Variants in ROBO2 observed in about 807,000 individuals in gnomAD.
ROBO2 encodes roundabout guidance receptor 2.
ROBO2 carries 53 observed loss-of-function variants against 160.8 expected under a neutral mutation model. That is an observed-to-expected ratio of 0.33 (90% CI 0.26 to 0.41). The LOEUF (loss-of-function observed/expected upper bound fraction) is 0.41, where lower values mean the gene tolerates loss of function less well. ROBO2 is among the 10% of genes least tolerant of loss of function. The pLI, the probability that ROBO2 is intolerant of heterozygous loss-of-function variation, is 1.00. For synonymous variants in ROBO2, 664 were observed against 611.7 expected (o/e 1.09, Z -1.26); for missense variants, 1,577 against 1,722.4 (o/e 0.92, Z 1.49).
intron 2 of ROBO2, chr3:76,433,884 A>C (rs1330699043): frequency 1.7e-6 from 1 of 583,020 alleles, no homozygotes; most frequent in African/African-American, 1.9e-5. Context: ...TTTTCTTTGA[A>C]GTTTGCAAGC....
At chr3:76,562,850 A>C (rs1046244121) in intron 2 of ROBO2, among the ~76,000 whole-genome samples, 7 of 152,116 alleles carry the variant, frequency 4.6e-5, no homozygotes, top group Non-Finnish European at 8.8e-5. Flanking sequence ...ATATATTGTT[A>C]ATGGAAAACC....
chr3:76,791,581 A>G (rs1203853927), intron 2 of ROBO2, among the ~76,000 whole-genome samples: 3 of 151,280 alleles, frequency 2.0e-5, no homozygotes, highest in Admixed American at 2.0e-4. Flanking sequence ...TCTTGCCAAT[A>G]GCCACAGGAG....
chr3:75,925,665 A>G (rs1179195773), intron 1 of ROBO2, among the ~76,000 whole-genome samples: 1 of 152,214 alleles, frequency 6.6e-6, no homozygotes, highest in African/African-American at 2.4e-5. Flanking sequence ...GCAACTGGAT[A>G]CTCAATTATA....
intron 2 of ROBO2, among the ~76,000 whole-genome samples, chr3:76,336,992 C>T (rs1390773300): frequency 6.6e-6 from 1 of 151,686 alleles, no homozygotes; most frequent in African/African-American, 2.4e-5. Flanking sequence ...AAAAAAAACC[C>T]ACAATCTCTA....
intron 2 of ROBO2, among the ~76,000 whole-genome samples, chr3:76,178,896 G>A (rs957062217): frequency 5.9e-5 from 9 of 152,046 alleles, no homozygotes; most frequent in Non-Finnish European, 1.2e-4. Flanking sequence ...AGCTGAGGTC[G>A]TGCCATTGTA....
At chr3:77,595,729 C>G (rs1270293632) in intron 18 of ROBO2, among the ~76,000 whole-genome samples, 1 of 152,110 alleles carries the variant, frequency 6.6e-6, no homozygotes, top group African/African-American at 2.4e-5. Flanking sequence ...CTTCCAATCT[C>G]CCATTTAATC....
At chr3:76,182,035 GA>G (rs1459922748) in intron 2 of ROBO2, among the ~76,000 whole-genome samples, 1 of 152,126 alleles carries the variant, frequency 6.6e-6, no homozygotes, top group Non-Finnish European at 1.5e-5. Flanking sequence ...TTCAGTGTAT[GA>G]GAACTAGGAT....
At chr3:77,589,433 A>C (rs1315275075) in intron 17 of ROBO2, among the ~76,000 whole-genome samples, 4 of 152,156 alleles carry the variant, frequency 2.6e-5, no homozygotes, top group Non-Finnish European at 5.9e-5. Context: ...AGAATTGATA[A>C]GACTGATGAG....
intron 2 of ROBO2, among the ~76,000 whole-genome samples, chr3:76,755,616 G>A (rs902368266): frequency 6.6e-5 from 10 of 151,800 alleles, no homozygotes; most frequent in Non-Finnish European, 1.5e-4. Context: ...TTCTCATGGT[G>A]ACACCTCCAA....
At position 75,912,293 on chromosome 3, in the gene ROBO2, A is replaced by C. The variant is rs778317488; in HGVS notation, c.-14+5333A>C. On this transcript the variant is annotated intron_variant, in intron 1 of 26. Transcript: ENST00000487694. Reference sequence around the variant, plus strand: ...AGTTTTATGCTGTCATTCTGTCAGCACTGAGTGAGATTTTTTGATTTAAAT... The same window carrying C: ...AGTTTTATGCTGTCATTCTGTCAGCCCTGAGTGAGATTTTTTGATTTAAAT... Among the ~76,000 whole-genome samples, 74 of 152,300 alleles carry C rather than the reference A, an allele frequency of 4.9e-4. No homozygotes were observed. The Middle Eastern group carries it at 0.031, about 63-fold the overall frequency.
At chr3:77,418,713 T>C (rs922149793) in intron 2 of ROBO2, among the ~76,000 whole-genome samples, 3 of 152,094 alleles carry the variant, frequency 2.0e-5, no homozygotes, top group Admixed American at 6.5e-5. Context: ...ACTAGTAATA[T>C]GATGGAGAGA....
intron 2 of ROBO2, among the ~76,000 whole-genome samples, chr3:76,797,331 G>A (rs2063776866): frequency 6.6e-6 from 1 of 152,062 alleles, no homozygotes; most frequent in Non-Finnish European, 1.5e-5. Context: ...ATGTCCTCTT[G>A]AATGACTAGT....
At chr3:76,708,526 C>G (rs537027951) in intron 2 of ROBO2, among the ~76,000 whole-genome samples, 2 of 152,106 alleles carry the variant, frequency 1.3e-5, no homozygotes, top group African/African-American at 4.8e-5. Context: ...AAAACAACAA[C>G]CAAAAACCAC....
At chr3:77,600,618 G>A (rs1185174373) in intron 19 of ROBO2, among the ~76,000 whole-genome samples, 2 of 152,144 alleles carry the variant, frequency 1.3e-5, no homozygotes, top group African/African-American at 4.8e-5. Context: ...TCAAGTTGGG[G>A]AATCAAGTAT....
intron 2 of ROBO2, among the ~76,000 whole-genome samples, chr3:76,417,154 A>T (rs1310421423): frequency 6.6e-6 from 1 of 152,170 alleles, no homozygotes; most frequent in Non-Finnish European, 1.5e-5. Context: ...AGCTCATGTT[A>T]TCTGGAATGG....
At chr3:77,032,689 A>G (rs1364247524) in intron 2 of ROBO2, among the ~76,000 whole-genome samples, 2 of 152,200 alleles carry the variant, frequency 1.3e-5, no homozygotes, top group Non-Finnish European at 2.9e-5. Flanking sequence ...AGTGCAAAGC[A>G]TACAACAGAG....
At chr3:77,405,208 C>T (rs1224688722) in intron 2 of ROBO2, among the ~76,000 whole-genome samples, 25 of 151,962 alleles carry the variant, frequency 1.6e-4, no homozygotes, top group Admixed American at 1.6e-3. Flanking sequence ...ACTAAATGGA[C>T]AAATAAATAA....
At chr3:77,087,153 G>A (rs1165333893) in intron 1 of ROBO2, among the ~76,000 whole-genome samples, 1 of 152,086 alleles carries the variant, frequency 6.6e-6, no homozygotes, top group Admixed American at 6.5e-5. Flanking sequence ...AAGTCAAAAT[G>A]ATATCACTCC....
chr3:76,199,050 A>G (rs577211332), intron 2 of ROBO2, among the ~76,000 whole-genome samples: 21 of 152,134 alleles, frequency 1.4e-4, no homozygotes, highest in African/African-American at 4.3e-4. Flanking sequence ...ATATTTTACA[A>G]TGTTTGGCTT....
Sources: allele counts gnomAD v4.1 joint callset (sites outside exome capture counted in the v4.1 genomes callset), GRCh38; gene constraint gnomAD v4.1.1; transcripts MANE v1.5; gene names NCBI Gene and HGNC (gene_info 2026-07-23, HGNC 2026-07-21).